The following TET1 variants were observed in gnomAD, a reference collection of about 807,000 sequenced individuals.
TET1 encodes the protein tet methylcytosine dioxygenase 1, also known as methylcytosine dioxygenase TET1.
TET1 carries 13 observed loss-of-function variants against 148.7 expected under a neutral mutation model. The ratio of observed to expected loss-of-function variants is 0.09; its 90% CI spans 0.06 to 0.14. The LOEUF (loss-of-function observed/expected upper bound fraction) is 0.14, where lower values mean the gene tolerates loss of function less well. Among genes scored for constraint, TET1 ranks in the 10% least tolerant of loss-of-function variants. The probability of loss-of-function intolerance (pLI) is 1.00; values close to 1 mark genes in which losing one functional copy is unlikely to be tolerated. For synonymous variants in TET1, 907 were observed against 937.2 expected (o/e 0.97, Z 0.59); for missense variants, 2,182 against 2,553.8 (o/e 0.85, Z 3.14).
rs1404204733 is a variant in TET1 at position 68,692,052 on chromosome 10, A to G, written c.*238A>G. ...AAGTTTTATAGTTTTAAATACATAA[A>G]GAAATGTTTCAGTTAGGCATTAACC... On this transcript the variant is annotated 3_prime_UTR_variant, in exon 12 of 12. Transcript: ENST00000373644. 10 of 480,170 alleles carry G rather than the reference A, an allele frequency of 2.1e-5. No homozygotes were observed. Among genetic ancestry groups the G allele is most frequent in the Non-Finnish European group, 3.6e-5 (10 of 277,388 alleles). 29.7% of individuals were successfully genotyped at this position (480,170 alleles called of 1,614,324 possible).
At position 68,572,833 on chromosome 10, in the gene TET1, C is replaced by A; in HGVS notation, c.495C>A (p.Val165=). Residue 165 remains valine (V), a synonymous_variant, in exon 2 of 12, where the codon GTC becomes GTA. Transcript: ENST00000373644. ...NDSVPMQDTQ[V]LPDIETLIGV... ...CGGTTCCAATGCAAGACACCCAAGT[C>A]CTTCCTGATATAGAGACTCTAATTG... The A allele has an allele frequency of 1.2e-6, 2 of 1,614,136 alleles. No individual in the cohort carries two copies. The highest frequency in any genetic ancestry group is 1.7e-6 in the Non-Finnish European group (2 of 1,180,020).
chr10:68,583,826 G>T (rs190721751), intron 2 of TET1, among the ~76,000 whole-genome samples: 1 of 151,886 alleles, frequency 6.6e-6, no homozygotes, highest in Non-Finnish European at 1.5e-5. Context: ...CAAGAGGATC[G>T]CTTGAACCTG....
In TET1 at chr10:68,646,044, A is replaced by T; in HGVS notation, c.3315A>T (p.Thr1105=). The T allele has an allele frequency of 6.2e-7, 1 of 1,614,176 alleles. No individual in the cohort carries two copies. Among genetic ancestry groups the T allele is most frequent in the Non-Finnish European group, 8.5e-7 (1 of 1,180,044 alleles). Residue 1105 remains threonine, a synonymous_variant, in exon 4 of 12, where the codon ACA becomes ACT. Coordinates refer to ENST00000373644, the MANE Select transcript of TET1 (RefSeq NM_030625.3). The part of the protein sequence containing the change: ...PEDKKVESTP[T]SLVTCNVQQK... ...ACAAAAAAGTTGAAAGTACACCAAC[A>T]AGCCTTGTCACATGTAATGTACAGC...
Position 68,646,785 on chromosome 10 carries a change from T to A in TET1, c.4056T>A (p.Thr1352=), listed in dbSNP as rs1283615236. 6.2e-7 allele frequency: 1 copy of A among 1,614,014 alleles called. No individual in the cohort carries two copies. The highest frequency in any genetic ancestry group is 1.3e-5 in the African/African-American group (1 of 74,890). Residue 1352 remains threonine (T), a synonymous_variant, in exon 4 of 12, where the codon ACT becomes ACA. Coordinates refer to ENST00000373644, the MANE Select transcript of TET1 (RefSeq NM_030625.3). The part of the protein sequence containing the change: ...HETPLPESAL[T]LRNVNVVCSG... ...CACCCTTACCGGAGTCAGCACTAAC[T>A]CTCAGGAATGTAAATGTAGTGTGTT...
At chr10:68,567,739 T>A in intron 1 of TET1, among the ~76,000 whole-genome samples, 1 of 148,516 alleles carries the variant, frequency 6.7e-6, no homozygotes, top group Non-Finnish European at 1.5e-5. Context: ...GCAATAAGAG[T>A]GAAACTCCAT....
intron 9 of TET1, 46 bp downstream of exon 9, chr10:68,681,534 G>A: frequency 7.2e-7 from 1 of 1,385,798 alleles, no homozygotes. Flanking sequence ...ATTTGAGGTG[G>A]GGTCTTGCTT....
chr10:68,610,856 A>G lies in TET1; in HGVS notation c.1968+9822A>G, dbSNP rs2054198934. 3.3e-5 allele frequency among the ~76,000 whole-genome samples: 5 copies of G among 152,212 alleles called. 1 individual carries two copies. The South Asian group carries it at 6.2e-4, about 19-fold the overall frequency. On this transcript the variant is annotated intron_variant, in intron 3 of 11. Coordinates refer to ENST00000373644, the MANE Select transcript of TET1 (RefSeq NM_030625.3). ...TTTTTTGTAGAGATGAGGTTTTGCCATGTTACCCAGGCTGGTCTCAAACTC... is the reference window on the plus strand; with the variant it reads ...TTTTTTGTAGAGATGAGGTTTTGCCGTGTTACCCAGGCTGGTCTCAAACTC...
intron 3 of TET1, among the ~76,000 whole-genome samples, chr10:68,632,166 A>G (rs1370343258): frequency 1.3e-5 from 2 of 151,878 alleles, no homozygotes; most frequent in Non-Finnish European, 2.9e-5. Flanking sequence ...CTAAAAATAC[A>G]AAAAAATTAG....
intron 11 of TET1, among the ~76,000 whole-genome samples, chr10:68,690,568 G>A (rs1185869070): frequency 6.6e-6 from 1 of 152,222 alleles, no homozygotes; most frequent in African/African-American, 2.4e-5. Flanking sequence ...GGGGGACAGA[G>A]CGAGACTCCG....
intron 3 of TET1, among the ~76,000 whole-genome samples, chr10:68,626,255 TTTTTGTTTTGTTTTG>T (rs547838161): frequency 6.6e-6 from 1 of 151,826 alleles, no homozygotes; most frequent in Non-Finnish European, 1.5e-5. Context: ...GTTTTTTTAT[TTTTTGTTTTGTTTTG>T]TTTTGTTTTG....
In TET1 at chr10:68,595,252, ACTTATT is replaced by A. The variant is rs1047910702; in HGVS notation, c.1915-5722_1915-5717del. ...TTTTATGGGTACATAGTACATGTGT[ACTTATT>A]CTTATTGATTGGAAGTTTATAATAG... On this transcript the variant is annotated intron_variant, in intron 2 of 11. Coordinates refer to ENST00000373644, the MANE Select transcript of TET1 (RefSeq NM_030625.3). Among the ~76,000 whole-genome samples the A allele has an allele frequency of 1.1e-3, 174 of 152,190 alleles. 2 individuals carry two copies. Among genetic ancestry groups the A allele is most frequent in the African/African-American group, 4.1e-3 (170 of 41,530 alleles).
At chr10:68,620,581 C>T (rs141911789) in intron 3 of TET1, among the ~76,000 whole-genome samples, 4 of 152,032 alleles carry the variant, frequency 2.6e-5, no homozygotes, top group African/African-American at 9.6e-5. Flanking sequence ...GTACACCACC[C>T]CCACCCCCAA....
At chr10:68,624,407 A>T (rs1348189197) in intron 3 of TET1, among the ~76,000 whole-genome samples, 3 of 152,068 alleles carry the variant, frequency 2.0e-5, no homozygotes, top group Non-Finnish European at 4.4e-5. Flanking sequence ...CTCCTGCCTC[A>T]GCCTTCCGAG....
intron 3 of TET1, among the ~76,000 whole-genome samples, chr10:68,638,892 T>C (rs1489866570): frequency 6.6e-6 from 1 of 151,640 alleles, no homozygotes; most frequent in Non-Finnish European, 1.5e-5. Context: ...TTAGACTGGG[T>C]ATAAGATTAT....
In TET1 at chr10:68,646,947, T is replaced by A. The variant is rs1161971804; in HGVS notation, c.4218T>A (p.Pro1406=). ...ATGCCATGAACTTCTTTACTAACCCTACAAAAAACCTAGTGTCTATAACTA... is the reference window on the plus strand; with the variant it reads ...ATGCCATGAACTTCTTTACTAACCCAACAAAAAACCTAGTGTCTATAACTA... ...NDYAMNFFTN[P]TKNLVSITKD... The change falls in exon 4 of 12, where the codon CCT becomes CCA. Residue 1406 remains proline, a synonymous_variant. Transcript: ENST00000373644. 4.3e-6 allele frequency: 7 copies of A among 1,613,998 alleles called. No individual in the cohort carries two copies. The Middle Eastern group carries it at 4.9e-4, about 114-fold the overall frequency.
At chr10:68,594,478 G>T (rs150077421) in intron 2 of TET1, among the ~76,000 whole-genome samples, 1 of 152,156 alleles carries the variant, frequency 6.6e-6, no homozygotes, top group Non-Finnish European at 1.5e-5. Flanking sequence ...GAATCCAGTA[G>T]ATCTGGCCCC....
Position 68,686,513 on chromosome 10 carries a change from T to G in TET1, c.5210T>G (p.Leu1737Arg), listed in dbSNP as rs1215052617. 1.9e-6 allele frequency: 3 copies of G among 1,614,156 alleles called. No homozygotes were observed. Among genetic ancestry groups the G allele is most frequent in the East Asian group, 2.2e-5 (1 of 44,874 alleles). ...AKIKSGAIEVLAPRRKKRTCF... is the reference protein window; with the variant it reads ...AKIKSGAIEVRAPRRKKRTCF... ...ATCAAATCTGGGGCCATCGAGGTCCTGGCACCCCGCCGCAAAAAAAGAACG... is the reference window on the plus strand; with the variant it reads ...ATCAAATCTGGGGCCATCGAGGTCCGGGCACCCCGCCGCAAAAAAAGAACG... Residue 1737 changes from leucine (L) to arginine (R), a missense_variant, in exon 11 of 12, where the codon CTG becomes CGG. This residue lies in a region of TET1 where 380 missense variants were observed against 387.9 expected (regional missense o/e 0.98). Coordinates refer to ENST00000373644, the MANE Select transcript of TET1 (RefSeq NM_030625.3).
At chr10:68,690,488 G>T (rs1365453774) in intron 11 of TET1, among the ~76,000 whole-genome samples, 1 of 152,114 alleles carries the variant, frequency 6.6e-6, no homozygotes, top group Non-Finnish European at 1.5e-5. Context: ...GGCGCCTGTA[G>T]TCCCAGCTAC....
chr10:68,674,834 C>T (rs1370350623), intron 8 of TET1: 24 of 460,764 alleles, frequency 5.2e-5, no homozygotes, highest in South Asian at 2.5e-4. Flanking sequence ...AATCATGACC[C>T]GAGAGGTGCA....
Sources: allele counts gnomAD v4.1 joint callset (sites outside exome capture counted in the v4.1 genomes callset), GRCh38; gene constraint gnomAD v4.1.1; regional missense constraint gnomAD v4.1.1; transcripts MANE v1.5; gene names NCBI Gene and HGNC (gene_info 2026-07-23, HGNC 2026-07-21).